The following DNAH14 variants were observed in gnomAD, a reference collection of about 807,000 sequenced individuals.
DNAH14 encodes the protein axonemal beta dynein heavy chain 14.
Under a neutral mutation model 520.9 loss-of-function variants are expected in DNAH14, and 478 were observed. The observed-to-expected ratio is 0.92, with a 90% confidence interval of 0.85 to 0.99. DNAH14 has a LOEUF of 0.99. DNAH14 is among the 50% of genes least tolerant of loss of function. DNAH14 has a pLI of 0.00. For synonymous variants in DNAH14, 1,581 were observed against 1,757.2 expected (o/e 0.90, Z 2.51); for missense variants, 4,831 against 5,234.5 (o/e 0.92, Z 2.38).
At chr1:224,987,786 C>T (rs2062747107) in intron 8 of DNAH14, among the ~76,000 whole-genome samples, 1 of 152,030 alleles carries the variant, frequency 6.6e-6, no homozygotes. Context: ...GCCACCATGC[C>T]CAGCTAATTT....
chr1:225,129,249 A>AATTT (rs1181026636), intron 27 of DNAH14, among the ~76,000 whole-genome samples: 2 of 152,216 alleles, frequency 1.3e-5, no homozygotes, highest in Non-Finnish European at 2.9e-5. Context: ...TGCCCAAGGT[A>AATTT]ATTTATAGAT....
intron 23 of DNAH14, among the ~76,000 whole-genome samples, chr1:225,117,235 G>C (rs2076932397): frequency 6.6e-6 from 1 of 152,082 alleles, no homozygotes; most frequent in Non-Finnish European, 1.5e-5. Context: ...AAAGTTATCT[G>C]TGATATGGTA....
Position 225,085,587 on chromosome 1 carries a change from C to G in DNAH14, c.3371C>G (p.Ala1124Gly), listed in dbSNP as rs1344634098. The G allele has an allele frequency of 6.5e-7, 1 of 1,549,660 alleles. No individual in the cohort carries two copies. The highest frequency in any genetic ancestry group is 2.5e-5 in the East Asian group (1 of 40,782). The change falls in exon 21 of 86, where the codon GCA (alanine) becomes GGA (glycine). Residue 1124 changes from alanine (A) to glycine (G), a missense_variant. Transcript: ENST00000682510. ...GAAATAAATGATATGTCAACCTCAG[C>G]AACTAATGAAGCTGCTCTTGAAAAA... is the stretch of plus-strand genomic sequence containing the variant. The part of the protein sequence containing the change: ...ENEINDMSTS[A>G]TNEAALEKML...
intron 8 of DNAH14, among the ~76,000 whole-genome samples, chr1:224,982,077 C>G (rs887199307): frequency 5.3e-5 from 8 of 152,090 alleles, no homozygotes; most frequent in Non-Finnish European, 7.4e-5. Flanking sequence ...GACAAATGGC[C>G]CTCTCAGGGG....
chr1:224,936,991 CA>C (rs933568082), intron 1 of DNAH14, among the ~76,000 whole-genome samples: 2 of 151,778 alleles, frequency 1.3e-5, no homozygotes, highest in East Asian at 1.9e-4. Flanking sequence ...GATTAGTTAT[CA>C]AAAAGCATTT....
chr1:225,180,562 T>C (rs550681321), intron 36 of DNAH14, among the ~76,000 whole-genome samples: 15 of 152,170 alleles, frequency 9.9e-5, no homozygotes, highest in Non-Finnish European at 1.8e-4. Context: ...AGGCTTTTTT[T>C]AATAACCAGC....
rs2091252518 is a variant in DNAH14 at position 225,232,856 on chromosome 1, AG to A, written c.6518+1707del. 6.6e-6 allele frequency among the ~76,000 whole-genome samples: 1 copy of A among 152,168 alleles called. No homozygotes were observed. Among genetic ancestry groups the A allele is most frequent in the African/African-American group, 2.4e-5 (1 of 41,452 alleles). On this transcript the variant is annotated intron_variant, in intron 42 of 85. Coordinates refer to ENST00000682510, the MANE Select transcript of DNAH14 (RefSeq NM_001367479.1). This position sits in a 1 kb window ranked among gnomAD's most constrained non-coding sequence, Gnocchi z 4.2. ...CACAGGATGTGCAGGTTTGTTACAT[AG>A]GTAAATGTGTGCCATGGTGGTTTGC...
At chr1:225,236,830 T>A (rs556638074) in intron 42 of DNAH14, among the ~76,000 whole-genome samples, 17 of 152,306 alleles carry the variant, frequency 1.1e-4, no homozygotes, top group African/African-American at 4.1e-4. Flanking sequence ...TTTGTTTGTG[T>A]CCACTCTGAT....
At chr1:225,348,300 G>T (rs1258295275) in intron 71 of DNAH14, among the ~76,000 whole-genome samples, 1 of 152,016 alleles carries the variant, frequency 6.6e-6, no homozygotes, top group Non-Finnish European at 1.5e-5. Context: ...GAAAAGGGTA[G>T]AGAAATTCTT....
At chr1:225,012,456 C>G (rs956157846) in intron 10 of DNAH14, among the ~76,000 whole-genome samples, 2 of 151,768 alleles carry the variant, frequency 1.3e-5, no homozygotes, top group Non-Finnish European at 2.9e-5. Flanking sequence ...AGGAGTATCT[C>G]TGTGGTGTTC....
At chr1:225,147,281 T>C (rs778720991) in intron 31 of DNAH14, 32 bp downstream of exon 31, 5 of 1,506,272 alleles carry the variant, frequency 3.3e-6, no homozygotes, top group Non-Finnish European at 4.4e-6. Flanking sequence ...ACCTTTTGAA[T>C]TGAAATCTGA....
intron 4 of DNAH14, among the ~76,000 whole-genome samples, chr1:224,962,815 T>G (rs893338002): frequency 5.3e-5 from 8 of 152,164 alleles, no homozygotes; most frequent in Non-Finnish European, 8.8e-5. Flanking sequence ...TCTGAAAAAG[T>G]GTTCTTTATT....
intron 1 of DNAH14, among the ~76,000 whole-genome samples, chr1:224,945,909 G>A (rs2059788757): frequency 6.6e-6 from 1 of 152,294 alleles, no homozygotes; most frequent in African/African-American, 2.4e-5. Flanking sequence ...TACTGGGGCT[G>A]CCTCCCAGTT....
intron 23 of DNAH14, among the ~76,000 whole-genome samples, chr1:225,116,011 A>T (rs1191699179): frequency 6.6e-6 from 1 of 152,244 alleles, no homozygotes; most frequent in African/African-American, 2.4e-5. Context: ...GTCTTGAAAG[A>T]AATGTAGGTG....
intron 38 of DNAH14, among the ~76,000 whole-genome samples, chr1:225,196,955 C>T (rs2086218609): frequency 6.6e-6 from 1 of 152,058 alleles, no homozygotes. Flanking sequence ...AGTCCTTCAT[C>T]AAATGTATAG....
Position 225,206,023 on chromosome 1 carries a change from A to G in DNAH14, c.6030A>G (p.Val2010=), listed in dbSNP as rs2087508976. 1.3e-6 allele frequency: 2 copies of G among 1,551,688 alleles called. No homozygotes were observed. The highest frequency in any genetic ancestry group is 1.7e-6 in the Non-Finnish European group (2 of 1,146,870). The change falls in exon 40 of 86, where the codon GTA becomes GTG. Residue 2010 remains valine, a synonymous_variant. Transcript: ENST00000682510. ...ILDGPVDTFW[V]ENLNSVLDDT... is the part of the protein sequence containing the mutation. ...ATGGCCCAGTGGACACCTTTTGGGT[A>G]GAAAATCTGAACTCTGTGCTAGATG... is the stretch of plus-strand genomic sequence containing the variant.
intron 64 of DNAH14, among the ~76,000 whole-genome samples, chr1:225,329,660 A>G (rs924315001): frequency 2.0e-5 from 3 of 152,216 alleles, no homozygotes; most frequent in African/African-American, 7.2e-5. Context: ...ATCAAAATGA[A>G]TTACAGACTT....
At chr1:224,975,000 T>A (rs1318993590) in intron 8 of DNAH14, among the ~76,000 whole-genome samples, 1 of 152,140 alleles carries the variant, frequency 6.6e-6, no homozygotes, top group African/African-American at 2.4e-5. Flanking sequence ...GTTTTTGTCT[T>A]TGGTTCTGTT....
chr1:225,335,116 T>TACATGTGTACATATGTGCATGTGC (rs1220647962), intron 66 of DNAH14, among the ~76,000 whole-genome samples: 13 of 147,206 alleles, frequency 8.8e-5, no homozygotes, highest in Admixed American at 2.0e-4. Flanking sequence ...TATACATATA[T>TACATGTGTACATATGTGCATGTGC]ACATGTGTAC....
Sources: gnomAD v4.1 joint callset for allele counts (sites outside exome capture counted in the v4.1 genomes callset) on GRCh38, gnomAD v4.1.1 for gene constraint, Gnocchi (gnomAD v3.1) non-coding constraint, MANE v1.5 for transcripts, NCBI Gene and HGNC (gene_info 2026-07-23, HGNC 2026-07-21) for gene names.